Variants in CASK observed in about 807,000 individuals in gnomAD.
CASK encodes the protein calcium/calmodulin dependent serine protein kinase.
A neutral mutation model predicts 82.9 loss-of-function variants in CASK; 4 were observed. The observed-to-expected ratio is 0.05, with a 90% confidence interval of 0.02 to 0.11. CASK has a LOEUF of 0.11. CASK is among the 10% of genes least tolerant of loss of function. CASK has a pLI of 1.00. For synonymous variants in CASK, 259 were observed against 253.5 expected (o/e 1.02, Z -0.20); for missense variants, 358 against 720.9 (o/e 0.50, Z 5.76).
intron 25 of CASK, among the ~76,000 whole-genome samples, chrX:41,528,941 G>A (rs1392158219): frequency 8.9e-6 from 1 of 112,302 alleles, no homozygotes; most frequent in Non-Finnish European, 1.9e-5. Context: ...GGTATGCAAT[G>A]GTCATTGTGA....
intron 13 of CASK, 147 bp from the exon 14 acceptor site, chrX:41,587,134 T>C (rs983331539): frequency 1.4e-4 from 62 of 442,125 alleles, no homozygotes; most frequent in Non-Finnish European, 2.3e-4. Flanking sequence ...TCAAATGTTA[T>C]TAATACATAG....
chrX:41,683,815 G>A (rs1046985251), intron 5 of CASK, among the ~76,000 whole-genome samples: 2 of 111,821 alleles, frequency 1.8e-5, no homozygotes, highest in Non-Finnish European at 3.8e-5. Flanking sequence ...CAGAATGTGT[G>A]TGTATGTGTG....
chrX:41,771,251 A>G (rs1302604625), intron 3 of CASK, among the ~76,000 whole-genome samples: 3 of 112,306 alleles, frequency 2.7e-5, no homozygotes, highest in Non-Finnish European at 5.6e-5. Flanking sequence ...GAAAATGCCA[A>G]TCTAGAATTC....
At chrX:41,592,735 C>A (rs1334203479) in intron 12 of CASK, among the ~76,000 whole-genome samples, 1 of 111,522 alleles carries the variant, frequency 9.0e-6, no homozygotes, top group Non-Finnish European at 1.9e-5. Flanking sequence ...CTAATAGCAA[C>A]AATATTACTT....
chrX:41,797,590 T>C (rs1047654574), intron 2 of CASK, among the ~76,000 whole-genome samples: 20 of 111,735 alleles, frequency 1.8e-4, no homozygotes, highest in African/African-American at 6.2e-4. Context: ...CATCAAAGTG[T>C]ATGTATCACT....
intron 2 of CASK, among the ~76,000 whole-genome samples, chrX:41,824,229 G>C (rs1319956429): frequency 1.8e-5 from 2 of 112,047 alleles, no homozygotes; most frequent in African/African-American, 6.5e-5. Flanking sequence ...TCATTGCCAA[G>C]TATAATGAAT....
At chrX:41,674,356 C>T (rs1380291757) in intron 5 of CASK, among the ~76,000 whole-genome samples, 1 of 111,038 alleles carries the variant, frequency 9.0e-6, no homozygotes, top group East Asian at 2.8e-4. Flanking sequence ...TAATCTTGTG[C>T]ACCTGACAAA....
intron 3 of CASK, among the ~76,000 whole-genome samples, chrX:41,774,229 C>T (rs914901992): frequency 1.8e-5 from 2 of 110,598 alleles, no homozygotes; most frequent in African/African-American, 6.6e-5. Flanking sequence ...AGCTGATAAG[C>T]AACTTCAGCA....
At chrX:41,922,204 C>T (rs923112161) in intron 1 of CASK, among the ~76,000 whole-genome samples, 1 of 111,990 alleles carries the variant, frequency 8.9e-6, no homozygotes, top group African/African-American at 3.3e-5. Flanking sequence ...AATTATACAA[C>T]ACAGATGAAA....
chrX:41,537,143 G>T (rs150129048), intron 22 of CASK, among the ~76,000 whole-genome samples: 127 of 111,115 alleles, frequency 1.1e-3, no homozygotes, highest in African/African-American at 4.0e-3. Flanking sequence ...ACATAAGAAT[G>T]AGTTAGATGT....
chrX:41,524,311 TG>T, intron 25 of CASK: 1 of 309,536 alleles, frequency 3.2e-6, no homozygotes, highest in East Asian at 6.0e-5. Context: ...AAGTTAACAC[TG>T]ATTATGTTGG....
At chrX:41,563,040 CAA>C (rs141364032) in intron 16 of CASK, among the ~76,000 whole-genome samples, 9 of 22,193 alleles carry the variant, frequency 4.1e-4, no homozygotes, top group African/African-American at 1.8e-3. Flanking sequence ...GACTCCATCT[CAA>C]AAAAAAAAAA....
intron 18 of CASK, among the ~76,000 whole-genome samples, 198 bp from the exon 19 acceptor site, chrX:41,557,298 T>C (rs1419649883): frequency 3.6e-5 from 4 of 111,870 alleles, no homozygotes; most frequent in Non-Finnish European, 7.5e-5. Flanking sequence ...ATATTTTAAG[T>C]GATGACTGTG....
intron 8 of CASK, among the ~76,000 whole-genome samples, chrX:41,651,998 T>C (rs1166257826): frequency 1.8e-5 from 2 of 111,411 alleles, no homozygotes; most frequent in Admixed American, 9.6e-5. Context: ...TAGGGAATAC[T>C]GGTGGCATTC....
chrX:41,735,885 C>A (rs748595749), intron 5 of CASK, among the ~76,000 whole-genome samples: 3 of 111,416 alleles, frequency 2.7e-5, no homozygotes, highest in Non-Finnish European at 5.6e-5. Flanking sequence ...CTGGACACTC[C>A]CTAACCTTCT....
intron 25 of CASK, among the ~76,000 whole-genome samples, chrX:41,529,257 G>A (rs1049757509): frequency 3.6e-5 from 4 of 111,531 alleles, no homozygotes; most frequent in African/African-American, 9.8e-5. Context: ...AGTGCAATGG[G>A]TAAAAGTAAC....
At chrX:41,758,774 CA>C (rs1201148102) in intron 3 of CASK, among the ~76,000 whole-genome samples, 1 of 112,061 alleles carries the variant, frequency 8.9e-6, no homozygotes, top group Non-Finnish European at 1.9e-5. Context: ...TTAAGATATG[CA>C]AGTAGATAGA....
intron 12 of CASK, among the ~76,000 whole-genome samples, chrX:41,600,439 A>C (rs1354801903): frequency 2.7e-5 from 3 of 112,344 alleles, no homozygotes; most frequent in African/African-American, 9.7e-5. Flanking sequence ...CCTTTCCTTG[A>C]GCATAGCATA....
intron 10 of CASK, among the ~76,000 whole-genome samples, chrX:41,625,238 T>C (rs2066348093): frequency 9.9e-6 from 1 of 100,663 alleles, no homozygotes. Flanking sequence ...CAGGCTGGAG[T>C]GCAGTGGCGT....
Sources: gnomAD v4.1 joint callset for allele counts (sites outside exome capture counted in the v4.1 genomes callset) on GRCh38, gnomAD v4.1.1 for gene constraint, MANE v1.5 for transcripts, NCBI Gene and HGNC (gene_info 2026-07-23, HGNC 2026-07-21) for gene names.